Variants in CAB39L observed in about 807,000 individuals in gnomAD.
CAB39L encodes the protein calcium binding protein 39 like, also known as calcium-binding protein 39-like.
CAB39L carries 23 observed loss-of-function variants against 39.1 expected under a neutral mutation model. That is an observed-to-expected ratio of 0.59 (90% CI 0.42 to 0.83). The LOEUF (loss-of-function observed/expected upper bound fraction) is 0.83, where lower values mean the gene tolerates loss of function less well. Among genes scored for constraint, CAB39L ranks in the 40% least tolerant of loss-of-function variants. CAB39L has a pLI of 0.00. For missense variants in CAB39L, 366 were observed against 391.9 expected (o/e 0.93, Z 0.56); for synonymous variants, 126 against 137.2 (o/e 0.92, Z 0.57).
chr13:49,437,497 A>C (rs929645992), intron 1 of CAB39L, among the ~76,000 whole-genome samples: 1 of 151,820 alleles, frequency 6.6e-6, no homozygotes, highest in African/African-American at 2.4e-5. Flanking sequence ...TGTCTAATGG[A>C]TCTTACACCT....
intron 10 of CAB39L, among the ~76,000 whole-genome samples, chr13:49,321,989 T>C (rs1245908607): frequency 6.6e-6 from 1 of 152,240 alleles, no homozygotes; most frequent in African/African-American, 2.4e-5. Flanking sequence ...AAAACAGCTT[T>C]ATTAAAATTC....
At chr13:49,427,889 C>T (rs1030782874) in intron 3 of CAB39L, among the ~76,000 whole-genome samples, 2 of 152,108 alleles carry the variant, frequency 1.3e-5, no homozygotes, top group South Asian at 4.1e-4. Context: ...TTCGCTGTAT[C>T]CTCACATAGT....
intron 10 of CAB39L, among the ~76,000 whole-genome samples, chr13:49,313,436 G>A (rs12430475): frequency 0.31 from 46,790 of 150,472 alleles, 8,111 homozygotes; most frequent in South Asian, 0.44. Context: ...AGCTGAGATC[G>A]CGCCACTGCA....
intron 4 of CAB39L, among the ~76,000 whole-genome samples, chr13:49,377,925 C>A (rs1956128924): frequency 2.7e-5 from 2 of 74,814 alleles, no homozygotes; most frequent in African/African-American, 1.6e-4. Flanking sequence ...TCTTCCCAGC[C>A]GCCATCACAT....
chr13:49,329,534 T>TAAAAAAAA (rs777940622), intron 10 of CAB39L, among the ~76,000 whole-genome samples: 6 of 17,400 alleles, frequency 3.4e-4, no homozygotes, highest in South Asian at 2.1e-3. Flanking sequence ...TCTCTTCAAT[T>TAAAAAAAA]AAAAAAAAAA....
At chr13:49,430,035 T>C (rs1360462858) in intron 3 of CAB39L, among the ~76,000 whole-genome samples, 1 of 152,216 alleles carries the variant, frequency 6.6e-6, no homozygotes, top group Non-Finnish European at 1.5e-5. Context: ...TAAAATGCTC[T>C]TCAGTGTTTT....
intron 1 of CAB39L, among the ~76,000 whole-genome samples, chr13:49,442,804 A>ACAAAAC (rs1206176075): frequency 0.012 from 1,762 of 149,114 alleles, 55 homozygotes; most frequent in African/African-American, 0.043. Flanking sequence ...AAAAAAAAAA[A>ACAAAAC]AAAAAAAAAA....
At chr13:49,339,496 G>A (rs1039771363) in intron 9 of CAB39L, among the ~76,000 whole-genome samples, 181 bp downstream of exon 9, 1 of 152,040 alleles carries the variant, frequency 6.6e-6, no homozygotes, top group African/African-American at 2.4e-5. Context: ...AGCAGGACAG[G>A]ACACTTACAT....
At chr13:49,435,184 C>T (rs1043620823) in intron 1 of CAB39L, among the ~76,000 whole-genome samples, 2 of 152,154 alleles carry the variant, frequency 1.3e-5, no homozygotes, top group African/African-American at 4.8e-5. Context: ...TATGGAAAGA[C>T]GGTGACTTGG....
chr13:49,418,206 G>T (rs1957116358), intron 3 of CAB39L, among the ~76,000 whole-genome samples: 3 of 152,178 alleles, frequency 2.0e-5, no homozygotes, highest in Non-Finnish European at 4.4e-5. Flanking sequence ...AACATTATTT[G>T]GCAAAAAAAG....
chr13:49,351,185 A>G, intron 6 of CAB39L: 1 of 286,166 alleles, frequency 3.5e-6, no homozygotes, highest in East Asian at 5.9e-5. Context: ...TAAACAATGA[A>G]AAGATAATTT....
intron 4 of CAB39L, 143 bp from the exon 5 acceptor site, chr13:49,377,274 A>C (rs2138567664): frequency 2.6e-6 from 1 of 389,626 alleles, no homozygotes; most frequent in South Asian, 4.5e-5. Flanking sequence ...ACAAACAAAA[A>C]CAGTGAGGGG....
intron 3 of CAB39L, among the ~76,000 whole-genome samples, chr13:49,407,844 A>G (rs962654813): frequency 1.4e-5 from 2 of 146,520 alleles, no homozygotes; most frequent in Non-Finnish European, 3.0e-5. Flanking sequence ...CCTGAGCAAC[A>G]TAGCAAGACC....
At chr13:49,315,172 G>A (rs1954120227) in intron 10 of CAB39L, among the ~76,000 whole-genome samples, 1 of 152,166 alleles carries the variant, frequency 6.6e-6, no homozygotes, top group Non-Finnish European at 1.5e-5. Flanking sequence ...CAAAGGTCAT[G>A]GACTCACTCA....
Position 49,343,048 on chromosome 13 carries a change from T to C in CAB39L, c.624+1131A>G, listed in dbSNP as rs1593949533. On this transcript the variant is annotated intron_variant, in intron 8 of 10. Transcript: ENST00000409308. ...TAGTGGCTCTCATTTCTGGCTGGCA[T>C]TATATTTCTACTGGACAGCACTGAG... Among the ~76,000 whole-genome samples, 9 of 152,330 alleles carry C rather than the reference T, an allele frequency of 5.9e-5. 1 individual carries two copies. The South Asian group carries it at 1.9e-3, about 32-fold the overall frequency.
intron 10 of CAB39L, among the ~76,000 whole-genome samples, chr13:49,315,025 T>A (rs1056128360): frequency 6.6e-6 from 1 of 152,214 alleles, no homozygotes; most frequent in Non-Finnish European, 1.5e-5. Context: ...ACTGATGAGA[T>A]GTGACATTTT....
chr13:49,420,240 T>C (rs1957150805), intron 3 of CAB39L: 1 of 152,200 alleles, frequency 6.6e-6, no homozygotes, highest in Admixed American at 6.5e-5. Context: ...TAGATTTGTC[T>C]TGCCATATTT....
At chr13:49,344,734 G>C (rs936940384) in intron 7 of CAB39L, among the ~76,000 whole-genome samples, 1 of 152,068 alleles carries the variant, frequency 6.6e-6, no homozygotes, top group Non-Finnish European at 1.5e-5. Context: ...GTGTTAGCCA[G>C]GATGGTCTCG....
chr13:49,382,636 A>G, intron 4 of CAB39L, 164 bp downstream of exon 4: 1 of 560,060 alleles, frequency 1.8e-6, no homozygotes, highest in South Asian at 2.1e-5. Flanking sequence ...AACAGACTAA[A>G]TAATAATCAG....
Sources: gnomAD v4.1 joint callset for allele counts (sites outside exome capture counted in the v4.1 genomes callset) on GRCh38, gnomAD v4.1.1 for gene constraint, MANE v1.5 for transcripts, NCBI Gene and HGNC (gene_info 2026-07-23, HGNC 2026-07-21) for gene names.